GSE1: variants seen among roughly 807,000 people sequenced by gnomAD.
GSE1 encodes genetic suppressor element 1.
In GSE1, 32 loss-of-function variants were observed where a neutral mutation model predicts 112.6. That is an observed-to-expected ratio of 0.28 (90% CI 0.21 to 0.38). The LOEUF is 0.38. Ranked by LOEUF, GSE1 falls within the 10% of genes least tolerant of loss-of-function variation. GSE1 has a pLI of 1.00. For missense variants in GSE1, 2,348 were observed against 1,699.2 expected (o/e 1.38, Z -6.71); for synonymous variants, 1,115 against 735.6 (o/e 1.52, Z -8.35).
intron 2 of GSE1, among the ~76,000 whole-genome samples, chr16:85,392,072 C>T (rs1285858271): frequency 1.3e-5 from 2 of 152,170 alleles, no homozygotes; most frequent in Admixed American, 1.3e-4. Flanking sequence ...GTTTCCTTCC[C>T]AGCCTCACCC....
intron 1 of GSE1, among the ~76,000 whole-genome samples, chr16:85,178,640 A>G (rs2074517667): frequency 6.6e-6 from 1 of 151,942 alleles, no homozygotes; most frequent in Non-Finnish European, 1.5e-5. Flanking sequence ...AGGCCACGGG[A>G]AAAGGATGCT....
chr16:85,466,620 T>G (rs2050128672), intron 2 of GSE1, among the ~76,000 whole-genome samples: 1 of 152,050 alleles, frequency 6.6e-6, no homozygotes, highest in African/African-American at 2.4e-5. Context: ...GGTGGTATCA[T>G]TTGTGCTTTT....
intron 1 of GSE1, among the ~76,000 whole-genome samples, chr16:85,295,518 A>G (rs781757822): frequency 3.3e-5 from 5 of 152,174 alleles, no homozygotes; most frequent in Admixed American, 2.0e-4. Context: ...ACGTCCATGC[A>G]GAAGGTCTTG....
At chr16:85,282,907 AG>A (rs1324043125) in intron 1 of GSE1, 4 of 152,218 alleles carry the variant, frequency 2.6e-5, no homozygotes, top group African/African-American at 9.7e-5. Flanking sequence ...TCAGGATTCC[AG>A]GGGTGGCGCC....
At chr16:85,467,284 T>G (rs1002446718) in intron 2 of GSE1, among the ~76,000 whole-genome samples, 10 of 152,354 alleles carry the variant, frequency 6.6e-5, no homozygotes, top group Middle Eastern at 6.8e-3. Context: ...ACACTTGGCC[T>G]CTCTGTGCCT....
chr16:85,410,368 CGGA>C (rs1430008080), intron 2 of GSE1, among the ~76,000 whole-genome samples: 60 of 42,060 alleles, frequency 1.4e-3, no homozygotes, highest in South Asian at 2.2e-3. Flanking sequence ...CAGGGCCCCC[CGGA>C]TAATCCTCAC....
At chr16:85,541,685 C>T (rs1250961323) in intron 2 of GSE1, among the ~76,000 whole-genome samples, 1 of 152,184 alleles carries the variant, frequency 6.6e-6, no homozygotes, top group East Asian at 1.9e-4. Flanking sequence ...CCACGGGGCA[C>T]GGTGAAGGGC....
At chr16:85,569,194 C>T (rs1484701893) in intron 1 of GSE1, among the ~76,000 whole-genome samples, 1 of 152,336 alleles carries the variant, frequency 6.6e-6, no homozygotes, top group South Asian at 2.1e-4. Context: ...TCCTCCACAC[C>T]TTTGGCCAGG....
chr16:85,236,763 G>A (rs1208013231), intron 1 of GSE1, among the ~76,000 whole-genome samples: 1 of 152,026 alleles, frequency 6.6e-6, no homozygotes, highest in African/African-American at 2.4e-5. Flanking sequence ...GTGCCCCAGA[G>A]ATTATGAGGG....
chr16:85,412,976 C>T (rs925023568), intron 2 of GSE1, among the ~76,000 whole-genome samples: 3 of 152,174 alleles, frequency 2.0e-5, no homozygotes, highest in East Asian at 1.9e-4. Flanking sequence ...GGTGCCTGTT[C>T]GGGTGCAGGT....
At chr16:85,630,715 G>A (rs926863949) in intron 1 of GSE1, among the ~76,000 whole-genome samples, 4 of 152,346 alleles carry the variant, frequency 2.6e-5, no homozygotes, top group Middle Eastern at 3.4e-3. Context: ...TGGTTGGGCC[G>A]TGTACTGGGC....
chr16:85,502,238 C>T (rs1402120453), intron 2 of GSE1, among the ~76,000 whole-genome samples: 2 of 152,142 alleles, frequency 1.3e-5, no homozygotes, highest in Non-Finnish European at 2.9e-5. Flanking sequence ...ACACCTCGTG[C>T]GTGAGGTTGT....
Position 85,661,366 on chromosome 16 carries a change from C to G in GSE1, c.1861C>G (p.Pro621Ala). Residue 621 changes from proline (P) to alanine (A), a missense_variant, in exon 9 of 16, where the codon CCG (proline) becomes GCG (alanine). Pro to Ala is a conservative substitution (Grantham distance 27). Coordinates refer to ENST00000253458, the MANE Select transcript of GSE1 (RefSeq NM_014615.5). ...AFEPSRQAAV[P>A]LVKVERVFCP... ...TGAGCCCAGCCGCCAGGCAGCCGTG[C>G]CGCTGGTGAAGGTGGAGCGGGTCTT... The G allele has an allele frequency of 1.2e-6, 2 of 1,612,242 alleles. No homozygotes were observed. The highest frequency in any genetic ancestry group is 1.7e-6 in the Non-Finnish European group (2 of 1,179,628).
Position 85,491,445 on chromosome 16 carries a change from A to G in GSE1, c.2464+133802A>G, listed in dbSNP as rs1395359247. Among the ~76,000 whole-genome samples, 4 of 152,010 alleles carry G rather than the reference A, an allele frequency of 2.6e-5. No homozygotes were observed. In the East Asian group the frequency reaches 7.7e-4, roughly 29 times the overall value. ...GGGGGCTGGGTGGTGGCTTTAGAAG[A>G]GAGTGGGTTGGGAGGGGCTTTATGA... On this transcript the variant is annotated intron_variant, in intron 2 of 2. Coordinates refer to the GSE1 transcript ENST00000637419.
chr16:85,626,595 G>A (rs984116810), intron 1 of GSE1, among the ~76,000 whole-genome samples: 21 of 152,352 alleles, frequency 1.4e-4, no homozygotes, highest in Admixed American at 3.9e-4. Context: ...GCCTCACGGG[G>A]TGTAATTACC....
intron 1 of GSE1, among the ~76,000 whole-genome samples, chr16:85,265,257 GA>G (rs1467101896): frequency 6.6e-6 from 1 of 152,150 alleles, no homozygotes; most frequent in Non-Finnish European, 1.5e-5. Context: ...TTTGCAAAGG[GA>G]GAGCTTGTCA....
intron 1 of GSE1, among the ~76,000 whole-genome samples, chr16:85,585,074 GAGGA>G (rs1202713813): frequency 6.6e-6 from 1 of 152,160 alleles, no homozygotes; most frequent in African/African-American, 2.4e-5. Flanking sequence ...GAAAAGTTGC[GAGGA>G]CATTTTCTAA....
chr16:85,246,318 C>CACACAG lies in GSE1; in HGVS notation c.2283+74516_2283+74517insGACACA, dbSNP rs1905722952. On this transcript the variant is annotated intron_variant, in intron 1 of 2. Transcript: ENST00000637419. ...ACACCCCACACGCTGTCTACACACA[C>CACACAG]ACACACACACACACCCCCCACACGC... is the stretch of plus-strand genomic sequence containing the variant. Among the ~76,000 whole-genome samples the CACACAG allele has an allele frequency of 3.5e-5, 3 of 85,968 alleles. No homozygotes were observed. The Admixed American group carries it at 3.8e-4, about 11-fold the overall frequency. 56.4% of individuals were successfully genotyped at this position (85,968 alleles called of 152,430 possible).
chr16:85,407,900 C>T lies in GSE1; in HGVS notation c.2464+50257C>T, dbSNP rs2048349771. On this transcript the variant is annotated intron_variant, in intron 2 of 2. Transcript: ENST00000637419. ...TAATCCTCACCGTTACACTCAGGGC[C>T]CCCCTGGATAATCCTCACCGTTACT... Among the ~76,000 whole-genome samples the T allele has an allele frequency of 4.6e-5, 2 of 43,046 alleles. 1 individual carries two copies. Among genetic ancestry groups the T allele is most frequent in the Non-Finnish European group, 9.2e-5 (2 of 21,720 alleles). The allele number at this position is 43,046 out of a possible 152,430, so 28.2% of individuals were successfully genotyped here.
Sources: allele counts gnomAD v4.1 joint callset (sites outside exome capture counted in the v4.1 genomes callset), GRCh38; gene constraint gnomAD v4.1.1; transcripts MANE v1.5; gene names NCBI Gene and HGNC (gene_info 2026-07-23, HGNC 2026-07-21).